Variants in HSPB7 observed in about 807,000 individuals in gnomAD.
The protein encoded by HSPB7 is heat shock protein family B (small) member 7.
In HSPB7, 9 loss-of-function variants were observed where a neutral mutation model predicts 11.0. That is an observed-to-expected ratio of 0.82 (90% confidence interval 0.49 to 1.43). The LOEUF (loss-of-function observed/expected upper bound fraction) is 1.43. Among genes scored for constraint, HSPB7 ranks in the 40% most tolerant of loss-of-function variants. The probability of loss-of-function intolerance (pLI) is 0.00; values close to 1 mark genes in which losing one functional copy is unlikely to be tolerated. For missense variants in HSPB7, 246 were observed against 243.9 expected (o/e 1.01, Z -0.06); for synonymous variants, 102 against 101.6 (o/e 1.00, Z -0.02).
chr1:16,019,494 G>T, upstream of HSPB7: 1 of 1,524,046 alleles, frequency 6.6e-7, no homozygotes, highest in Non-Finnish European at 8.8e-7. Context: ...TTGAAGACGG[G>T]CAGTTTCTCT....
rs374227503 is a variant in HSPB7, at chr1:16,015,685, C to T, written c.408G>A (p.Ser136=). The change falls in exon 3 of 3, where the codon TCG becomes TCA. Residue 136 remains serine (S), a synonymous_variant. Transcript: ENST00000311890. The surrounding 1 kb of genome is among the most constrained non-coding windows in gnomAD (Gnocchi z 4.9). ...CQLPEDVDPT[S]VTSALREDGS... ...CGTCCTCCCGCAGAGCCGAGGTCAC[C>T]GACGTCGGGTCCACGTCCTCCGGCA... is the stretch of plus-strand genomic sequence containing the variant. 45 of 1,613,156 alleles carry T rather than the reference C, an allele frequency of 2.8e-5. No individual in the cohort carries two copies. In the African/African-American group the frequency reaches 3.5e-4, roughly 12 times the overall value.
chr1:16,018,189 G>A (rs56783248), upstream of HSPB7: 134,524 of 1,515,012 alleles, frequency 0.089, 7,319 homozygotes, highest in East Asian at 0.25. Context: ...CTGACAGCCC[G>A]ACACGCAGGC....
At position 16,017,816 on chromosome 1, in the gene HSPB7, C is replaced by T. The variant is rs757546284; in HGVS notation, c.148G>A (p.Asp50Asn). The T allele has an allele frequency of 1.7e-5, 28 of 1,613,330 alleles. No homozygotes were observed. The highest frequency in any genetic ancestry group is 1.5e-4 in the African/African-American group (11 of 74,932). The change falls in exon 1 of 3, where the codon GAT (aspartate) becomes AAT (asparagine). Residue 50 changes from aspartate to asparagine, a missense_variant. By Grantham distance (23) the Asp-to-Asn change is conservative (BLOSUM62 1). Transcript: ENST00000311890. Reference sequence around the variant, plus strand: ...GGCCGCATGAAGCTGCCAAAGTCATCGGAAAACATGCTCAGGGCCTTCTCC... The same window carrying T: ...GGCCGCATGAAGCTGCCAAAGTCATTGGAAAACATGCTCAGGGCCTTCTCC... ...PMEKALSMFSDDFGSFMRPHS... is the reference protein window; with the variant it reads ...PMEKALSMFSNDFGSFMRPHS...
rs989002739 is a variant in HSPB7, at chr1:16,017,993, G to T, written c.-30C>A. The T allele has an allele frequency of 6.2e-7, 1 of 1,612,464 alleles. No individual in the cohort carries two copies. The highest frequency in any genetic ancestry group is 1.7e-5 in the Admixed American group (1 of 60,008). ...GGACGGCGCCGGGCCCTGCCCAGGC[G>T]GGCGAGGGCTGGACAGGAGAGGGTG... On this transcript the variant is annotated 5_prime_UTR_variant, in exon 1 of 3. Transcript: ENST00000311890.
chr1:16,018,134 A>G (rs914301340), upstream of HSPB7: 3 of 1,544,712 alleles, frequency 1.9e-6, no homozygotes, highest in Non-Finnish European at 1.7e-6. Flanking sequence ...AGGCCTCTCC[A>G]TGGCCCAGAG....
At chr1:16,017,734 C>T (rs1293886050) in intron 1 of HSPB7, 31 bp downstream of exon 1, 1 of 1,523,958 alleles carries the variant, frequency 6.6e-7, no homozygotes, top group Non-Finnish European at 8.8e-7. Context: ...CCCTGTGCAC[C>T]TCCCCTCCCC....
rs555477285 is a variant in HSPB7, at chr1:16,017,866, G to T, written c.98C>A (p.Ala33Asp). The change falls in exon 1 of 3, where the codon GCT (alanine) becomes GAT (aspartate). Residue 33 changes from alanine (A) to aspartate (D), a missense_variant. Coordinates refer to ENST00000311890, the MANE Select transcript of HSPB7 (RefSeq NM_014424.5). ...SSSTSSSASR[A>D]LPAQDPPMEK... ...CATGGGCGGGTCCTGGGCCGGGAGA[G>T]CACGGGAGGCCGAGGAGGAGGTGGA... is the stretch of plus-strand genomic sequence containing the variant. The T allele has an allele frequency of 7.4e-6, 12 of 1,613,834 alleles. No homozygotes were observed. The South Asian group carries it at 1.2e-4, about 16-fold the overall frequency.
intron 1 of HSPB7, 102 bp downstream of exon 1, chr1:16,017,663 C>T: frequency 1.0e-6 from 1 of 955,274 alleles, no homozygotes; most frequent in South Asian, 1.6e-5. Flanking sequence ...TGTGCAGCAC[C>T]TGTTCCAGGC....
chr1:16,018,483 G>T, upstream of HSPB7: 2 of 1,119,194 alleles, frequency 1.8e-6, no homozygotes, highest in Non-Finnish European at 2.2e-6. Context: ...AAGCACCACC[G>T]CTCTGTGACG....
At chr1:16,017,471 C>T (rs754153353) in intron 1 of HSPB7, 33 of 587,940 alleles carry the variant, frequency 5.6e-5, no homozygotes, top group South Asian at 1.9e-4. Context: ...TGCCCCCCAC[C>T]GCTCACCCAT....
At position 16,015,877 on chromosome 1, in the gene HSPB7, G is replaced by T; in HGVS notation, c.334-118C>A. 1.0e-6 allele frequency: 1 copy of T among 985,082 alleles called. No individual in the cohort carries two copies. Among genetic ancestry groups the T allele is most frequent in the Non-Finnish European group, 1.5e-6 (1 of 683,350 alleles). The allele number at this position is 985,082 out of a possible 1,614,324, so 61.0% of individuals were successfully genotyped here. On this transcript the variant is annotated intron_variant, in intron 2 of 2. Coordinates refer to ENST00000311890, the MANE Select transcript of HSPB7 (RefSeq NM_014424.5). This position sits in a 1 kb window ranked among gnomAD's most constrained non-coding sequence, Gnocchi z 4.9. The stretch of plus-strand genomic sequence containing the variant: ...CAGACCCCACATGCCGAGGGGCTCT[G>T]CCCTCAGGTGCCGAGGGGCTGCCCA...
intron 1 of HSPB7, 71 bp downstream of exon 1, chr1:16,017,694 T>C: frequency 7.5e-7 from 1 of 1,337,090 alleles, no homozygotes; most frequent in Non-Finnish European, 1.0e-6. Flanking sequence ...CCACAGCGCC[T>C]TCGGTGGCGC....
chr1:16,018,590 T>G (rs545773702), upstream of HSPB7: 326 of 1,043,734 alleles, frequency 3.1e-4, 1 homozygote, highest in Non-Finnish European at 3.7e-4. Flanking sequence ...AGCTGTCCCC[T>G]GCCAGCCCCC....
At chr1:16,017,336 TA>T (rs1459010764) in intron 1 of HSPB7, 129 bp from the exon 2 acceptor site, 3 of 1,282,022 alleles carry the variant, frequency 2.3e-6, no homozygotes, top group African/African-American at 3.0e-5. Context: ...TGTTTCTCCC[TA>T]AGCTCCTCCT....
At chr1:16,018,799 G>C, upstream of HSPB7, 2 of 1,145,926 alleles carry the variant, frequency 1.7e-6, no homozygotes, top group Non-Finnish European at 2.1e-6. Flanking sequence ...AGAGAATTCC[G>C]GAAGACAATT....
chr1:16,017,875 G>T lies in HSPB7; in HGVS notation c.89C>A (p.Ala30Asp), dbSNP rs141575372. 1 of 1,613,980 alleles carries T rather than the reference G, an allele frequency of 6.2e-7. No homozygotes were observed. Among genetic ancestry groups the T allele is most frequent in the Non-Finnish European group, 8.5e-7 (1 of 1,179,928 alleles). The change falls in exon 1 of 3, where the codon GCC becomes GAC. Residue 30 changes from alanine to aspartate, a missense_variant. Transcript: ENST00000311890. ...SSSSSSTSSS[A>D]SRALPAQDPP... ...GTCCTGGGCCGGGAGAGCACGGGAGGCCGAGGAGGAGGTGGAAGAGGAGGA... is the reference window on the plus strand; with the variant it reads ...GTCCTGGGCCGGGAGAGCACGGGAGTCCGAGGAGGAGGTGGAAGAGGAGGA...
upstream of HSPB7, chr1:16,018,586 C>G: frequency 2.9e-6 from 3 of 1,045,544 alleles, no homozygotes; most frequent in Non-Finnish European, 3.5e-6. Context: ...GTGCAGCTGT[C>G]CCCTGCCAGC....
intron 2 of HSPB7, 43 bp downstream of exon 2, chr1:16,017,031 G>A: frequency 6.3e-7 from 1 of 1,584,208 alleles, no homozygotes; most frequent in Admixed American, 1.7e-5. Flanking sequence ...TTGGAGGCAG[G>A]AGCAGAATTT....
upstream of HSPB7, chr1:16,018,165 G>A (rs940000831): frequency 2.5e-5 from 38 of 1,536,244 alleles, no homozygotes; most frequent in South Asian, 6.0e-5. Context: ...ATCTTCTCCC[G>A]TGCGCCGGCC....
Sources: allele counts gnomAD v4.1 joint callset, GRCh38; gene constraint gnomAD v4.1.1; non-coding constraint Gnocchi (gnomAD v3.1); transcripts MANE v1.5; gene names NCBI Gene and HGNC (gene_info 2026-07-23, HGNC 2026-07-21).